CCDC175: variants seen among roughly 807,000 people sequenced by gnomAD.
The protein encoded by CCDC175 is coiled-coil domain containing 175, also known as coiled-coil domain-containing protein 175.
A neutral mutation model predicts 114.6 loss-of-function variants in CCDC175; 100 were observed. That is an observed-to-expected ratio of 0.87 (90% CI 0.74 to 1.03). The LOEUF (loss-of-function observed/expected upper bound fraction) is 1.03. Among genes scored for constraint, CCDC175 ranks in the 50% least tolerant of loss-of-function variants. The probability of loss-of-function intolerance (pLI) is 0.00; values close to 1 mark genes in which losing one functional copy is unlikely to be tolerated. For missense variants in CCDC175, 880 were observed against 917.8 expected, an observed-to-expected ratio of 0.96 and a Z score of 0.53; for synonymous variants, 306 against 308.7, an observed-to-expected ratio of 0.99 and a Z score of 0.09.
chr14:59,556,059 CA>C (rs1895878758), intron 7 of CCDC175, among the ~76,000 whole-genome samples: 1 of 152,296 alleles, frequency 6.6e-6, no homozygotes, highest in African/African-American at 2.4e-5. Flanking sequence ...TTTATAGATT[CA>C]ATGCCATCCC....
At chr14:59,513,594 T>C (rs1892877893) in intron 17 of CCDC175, among the ~76,000 whole-genome samples, 1 of 152,110 alleles carries the variant, frequency 6.6e-6, no homozygotes, top group Non-Finnish European at 1.5e-5. Flanking sequence ...GAGATCAAAC[T>C]GCAAGGCAGC....
At chr14:59,542,526 T>C (rs1168240592) in intron 10 of CCDC175, among the ~76,000 whole-genome samples, 1 of 152,114 alleles carries the variant, frequency 6.6e-6, no homozygotes, top group East Asian at 1.9e-4. Context: ...CAAATATTTG[T>C]AATATAGGCA....
At chr14:59,532,104 A>G (rs1894107288) in intron 13 of CCDC175, among the ~76,000 whole-genome samples, 194 bp from the exon 14 acceptor site, 1 of 152,200 alleles carries the variant, frequency 6.6e-6, no homozygotes, top group Admixed American at 6.5e-5. Flanking sequence ...ACACTCTGAC[A>G]ATCCACAAAG....
intron 8 of CCDC175, among the ~76,000 whole-genome samples, chr14:59,546,734 G>C (rs182296651): frequency 2.5e-3 from 375 of 152,252 alleles, no homozygotes; most frequent in Non-Finnish European, 4.1e-3. Context: ...CCTTTGGAAG[G>C]CTGAGGCAGG....
intron 14 of CCDC175, among the ~76,000 whole-genome samples, chr14:59,528,208 T>C (rs1893861345): frequency 6.6e-6 from 1 of 152,162 alleles, no homozygotes; most frequent in Non-Finnish European, 1.5e-5. Context: ...TGTTAAGAAG[T>C]TTGAAATGAT....
At chr14:59,533,068 G>A (rs1273670882) in intron 13 of CCDC175, among the ~76,000 whole-genome samples, 3 of 152,206 alleles carry the variant, frequency 2.0e-5, no homozygotes, top group Non-Finnish European at 2.9e-5. Context: ...GCAGACCAGT[G>A]GCTGTTTCCT....
At chr14:59,531,658 G>T in intron 14 of CCDC175, 114 bp downstream of exon 14, 2 of 704,480 alleles carry the variant, frequency 2.8e-6, no homozygotes, top group Non-Finnish European at 4.4e-6. Flanking sequence ...AGGTAATGGG[G>T]AAAGTTTGGT....
At chr14:59,552,835 C>A (rs1022446632) in intron 7 of CCDC175, among the ~76,000 whole-genome samples, 4 of 151,758 alleles carry the variant, frequency 2.6e-5, no homozygotes, top group Admixed American at 6.6e-5. Flanking sequence ...GCTTCAGTAG[C>A]TGATTTCATC....
intron 17 of CCDC175, among the ~76,000 whole-genome samples, chr14:59,518,901 A>G (rs1893263705): frequency 6.6e-6 from 1 of 152,232 alleles, no homozygotes; most frequent in Non-Finnish European, 1.5e-5. Context: ...CACAATAGCA[A>G]AGACTTGGAA....
intron 3 of CCDC175, among the ~76,000 whole-genome samples, chr14:59,570,152 C>A (rs1310281402): frequency 6.6e-6 from 1 of 151,180 alleles, no homozygotes. Context: ...AGAGGTGCCT[C>A]ATTGGTGGCT....
At chr14:59,523,830 A>G (rs112548504) in intron 16 of CCDC175, among the ~76,000 whole-genome samples, 1,845 of 152,196 alleles carry the variant, frequency 0.012, 28 homozygotes, top group African/African-American at 0.043. Flanking sequence ...TCTACTAAAA[A>G]TACAAAAAAT....
chr14:59,558,287 T>G (rs963600702), intron 7 of CCDC175, among the ~76,000 whole-genome samples: 2 of 152,156 alleles, frequency 1.3e-5, no homozygotes, highest in Non-Finnish European at 2.9e-5. Flanking sequence ...GGAAGATTAT[T>G]TAAGCAGAAG....
At chr14:59,540,582 A>G (rs1894715064) in intron 11 of CCDC175, 93 bp downstream of exon 11, 2 of 1,321,738 alleles carry the variant, frequency 1.5e-6, no homozygotes, top group Non-Finnish European at 2.0e-6. Context: ...GGTTCTAGTA[A>G]CAACAAGTAC....
intron 7 of CCDC175, 27 bp downstream of exon 7, chr14:59,561,092 T>A (rs1211853772): frequency 2.4e-5 from 27 of 1,147,952 alleles, no homozygotes; most frequent in Non-Finnish European, 3.4e-5. Flanking sequence ...TCGAAACATT[T>A]AAGTAAAAAT....
chr14:59,509,856 T>G (rs1195030655), intron 19 of CCDC175, among the ~76,000 whole-genome samples: 2 of 152,184 alleles, frequency 1.3e-5, no homozygotes. Flanking sequence ...ACCTTCAAAA[T>G]TGCTTATCTA....
At chr14:59,551,488 C>A in intron 7 of CCDC175, 52 bp from the exon 8 acceptor site, 1 of 992,120 alleles carries the variant, frequency 1.0e-6, no homozygotes, top group Admixed American at 3.1e-5. Flanking sequence ...CTTTTGAATT[C>A]TAAGGCAAGG....
At chr14:59,569,942 C>T (rs1364141898) in intron 3 of CCDC175, among the ~76,000 whole-genome samples, 1 of 152,164 alleles carries the variant, frequency 6.6e-6, no homozygotes, top group Non-Finnish European at 1.5e-5. Context: ...GGAAACAGCA[C>T]CTGGAGACCT....
At chr14:59,511,548 T>TAAAAAAAAAA (rs34490884) in intron 18 of CCDC175, among the ~76,000 whole-genome samples, 2,213 of 94,548 alleles carry the variant, frequency 0.023, 116 homozygotes, top group African/African-American at 0.039. Flanking sequence ...TGATATTTGG[T>TAAAAAAAAAA]AAAAAAAAAA....
intron 10 of CCDC175, 90 bp from the exon 11 acceptor site, chr14:59,540,836 G>T: frequency 9.2e-7 from 1 of 1,087,330 alleles, no homozygotes; most frequent in Non-Finnish European, 1.3e-6. Flanking sequence ...TGCTCAGTAA[G>T]GCTATAGTCT....
Sources: allele counts gnomAD v4.1 joint callset (sites outside exome capture counted in the v4.1 genomes callset), GRCh38; gene constraint gnomAD v4.1.1; transcripts MANE v1.5; gene names NCBI Gene and HGNC (gene_info 2026-07-23, HGNC 2026-07-21).